Variants in TRAPPC12 observed in about 807,000 individuals in gnomAD.
The protein encoded by TRAPPC12 is trafficking protein particle complex subunit 12, also known as TPR repeat protein 15.
TRAPPC12 carries 61 observed loss-of-function variants against 69.2 expected under a neutral mutation model. That is an observed-to-expected ratio of 0.88 (90% CI 0.72 to 1.09). The LOEUF (loss-of-function observed/expected upper bound fraction) is 1.09, where lower values mean the gene tolerates loss of function less well. TRAPPC12 is among the 50% of genes least tolerant of loss of function. The pLI, the probability that TRAPPC12 is intolerant of heterozygous loss-of-function variation, is 0.00. For missense variants in TRAPPC12, 1,101 were observed against 1,016.4 expected (o/e 1.08, Z -1.13); for synonymous variants, 469 against 438.9 (o/e 1.07, Z -0.86).
intron 6 of TRAPPC12, chr2:3,455,317 C>G (rs542031761): frequency 6.6e-6 from 1 of 152,214 alleles, no homozygotes; most frequent in Admixed American, 6.5e-5. Flanking sequence ...ATAATCCCAT[C>G]AGGGTAAATG....
In TRAPPC12 at chr2:3,444,158, A is replaced by G. The variant is rs568539043; in HGVS notation, c.1530+267A>G. ...CTATGGGAAGCTGAAAGGCAGAGAC[A>G]TCTTTCTTGCCAAGGCTGCCAGCTG... On this transcript the variant is annotated intron_variant, in intron 6 of 11. Transcript: ENST00000324266. Among the ~76,000 whole-genome samples, 281 of 152,362 alleles carry G rather than the reference A, an allele frequency of 1.8e-3. 3 individuals are homozygous for G. The highest frequency in any genetic ancestry group is 6.4e-3 in the African/African-American group (266 of 41,586).
At chr2:3,478,634 AAAAAAT>A in intron 10 of TRAPPC12, 1 of 503,166 alleles carries the variant, frequency 2.0e-6, no homozygotes, top group Non-Finnish European at 3.5e-6. Context: ...AACTCCATCT[AAAAAAT>A]AAAAATAAAT....
chr2:3,426,385 A>T (rs1339192840), intron 5 of TRAPPC12, among the ~76,000 whole-genome samples: 3 of 152,210 alleles, frequency 2.0e-5, no homozygotes, highest in South Asian at 2.1e-4. Context: ...TCATCCAGGG[A>T]CGTAGACGCC....
rs968334798 is a variant in TRAPPC12, at chr2:3,459,527, T to A, written c.1604-736T>A. 2.6e-5 allele frequency among the ~76,000 whole-genome samples: 4 copies of A among 152,084 alleles called. No individual in the cohort carries two copies. The East Asian group carries it at 7.7e-4, about 29-fold the overall frequency. On this transcript the variant is annotated intron_variant, in intron 7 of 11. Transcript: ENST00000324266. ...CCCCAAGAAGGCCACAAAGCCAGTTTGGAAACTACTAGAAGAGATGGGCCC... is the reference window on the plus strand; with the variant it reads ...CCCCAAGAAGGCCACAAAGCCAGTTAGGAAACTACTAGAAGAGATGGGCCC...
Position 3,469,360 on chromosome 2 carries a change from G to A in TRAPPC12, c.1776+3665G>A, listed in dbSNP as rs144537031. On this transcript the variant is annotated intron_variant, in intron 9 of 11. Transcript: ENST00000324266. Reference sequence around the variant, plus strand: ...GAGGGGTAAATTTCATAAGAAATACGTATATTAGTAACTGTCCCTCAAATG... The same window carrying A: ...GAGGGGTAAATTTCATAAGAAATACATATATTAGTAACTGTCCCTCAAATG... Among the ~76,000 whole-genome samples the A allele has an allele frequency of 5.6e-3, 846 of 152,352 alleles. 5 individuals are homozygous for A. Among genetic ancestry groups the A allele is most frequent in the South Asian group, 0.013 (65 of 4,832 alleles).
At chr2:3,465,785 A>G in intron 9 of TRAPPC12, 90 bp downstream of exon 9, 2 of 902,922 alleles carry the variant, frequency 2.2e-6, no homozygotes, top group Non-Finnish European at 3.7e-6. Flanking sequence ...TCATTTTAAT[A>G]TAAGAAAGAC....
chr2:3,383,218 T>G (rs888483284), intron 1 of TRAPPC12, among the ~76,000 whole-genome samples: 2 of 152,162 alleles, frequency 1.3e-5, no homozygotes, highest in African/African-American at 4.8e-5. Flanking sequence ...TTTGTTTCAC[T>G]TTTTTTAGGT....
chr2:3,453,730 T>A (rs1025319721), intron 6 of TRAPPC12, among the ~76,000 whole-genome samples: 1 of 152,222 alleles, frequency 6.6e-6, no homozygotes, highest in Non-Finnish European at 1.5e-5. Flanking sequence ...AAGGAGGAAA[T>A]TCCAGCCGCA....
At chr2:3,446,055 C>T (rs1392213409) in intron 6 of TRAPPC12, among the ~76,000 whole-genome samples, 1 of 152,236 alleles carries the variant, frequency 6.6e-6, no homozygotes, top group African/African-American at 2.4e-5. Context: ...ATCCTAGGAA[C>T]GTTTCTCTCA....
chr2:3,441,754 T>C (rs937322219), intron 5 of TRAPPC12, among the ~76,000 whole-genome samples: 1 of 151,966 alleles, frequency 6.6e-6, no homozygotes, highest in African/African-American at 2.4e-5. Context: ...CTTATATTGC[T>C]CTTTCTTTCC....
At chr2:3,465,557 G>A in intron 8 of TRAPPC12, 40 bp from the exon 9 acceptor site, 1 of 1,422,866 alleles carries the variant, frequency 7.0e-7, no homozygotes. Context: ...CCACAGTGCT[G>A]TTCTCAGCTC....
chr2:3,466,534 G>C (rs1259529063), intron 9 of TRAPPC12: 1 of 396,634 alleles, frequency 2.5e-6, no homozygotes, highest in Non-Finnish European at 5.3e-6. Context: ...AATTTGAACA[G>C]GGCCTCTGTG....
chr2:3,389,124 A>G (rs1660676066), intron 2 of TRAPPC12: 1 of 156,218 alleles, frequency 6.4e-6, no homozygotes, highest in Non-Finnish European at 1.4e-5. Context: ...ATAAATGTTA[A>G]GCTAAATGGT....
chr2:3,391,934 G>A lies in TRAPPC12; in HGVS notation c.1047+3264G>A, dbSNP rs180726951. ...CAAACCCTCTGTTGCTTGCCTTGCC[G>A]TTTGCTTCTCCCTCTGACTGTAACT... is the stretch of plus-strand genomic sequence containing the variant. On this transcript the variant is annotated intron_variant, in intron 2 of 11. Transcript: ENST00000324266. 2.6e-4 allele frequency among the ~76,000 whole-genome samples: 39 copies of A among 152,146 alleles called. No homozygotes were observed. The South Asian group carries it at 3.1e-3, about 12-fold the overall frequency.
At chr2:3,392,201 CT>C (rs1217824880) in intron 2 of TRAPPC12, among the ~76,000 whole-genome samples, 2 of 152,182 alleles carry the variant, frequency 1.3e-5, no homozygotes, top group African/African-American at 4.8e-5. Flanking sequence ...GCTTAAAGGT[CT>C]CTGGTCCTGT....
rs1195057131 is a variant in TRAPPC12, at chr2:3,414,425, C to T, written c.1165-7456C>T. 6.6e-6 allele frequency among the ~76,000 whole-genome samples: 1 copy of T among 152,034 alleles called. No homozygotes were observed. The highest frequency in any genetic ancestry group is 6.5e-5 in the Admixed American group (1 of 15,268). On this transcript the variant is annotated intron_variant, in intron 3 of 11. Coordinates refer to ENST00000324266, the MANE Select transcript of TRAPPC12 (RefSeq NM_016030.6). This position sits in a 1 kb window ranked among gnomAD's most constrained non-coding sequence, Gnocchi z 4.9. The stretch of plus-strand genomic sequence containing the variant: ...TTAGTCCTTAGAATTCATTCTCTCC[C>T]TTCAAAGCCCCCCGGGTTCTTGTCC...
chr2:3,474,566 C>T (rs1016161600), intron 9 of TRAPPC12, among the ~76,000 whole-genome samples: 1 of 152,216 alleles, frequency 6.6e-6, no homozygotes, highest in African/African-American at 2.4e-5. Flanking sequence ...CCAGTTTCTG[C>T]CACGGAAACA....
At chr2:3,457,885 G>C in intron 7 of TRAPPC12, 192 bp downstream of exon 7, 1 of 1,433,110 alleles carries the variant, frequency 7.0e-7, no homozygotes, top group South Asian at 1.5e-5. Context: ...TGGGTGCAAC[G>C]TGCAGCCTCA....
At chr2:3,453,233 G>A (rs986104610) in intron 6 of TRAPPC12, among the ~76,000 whole-genome samples, 8 of 152,096 alleles carry the variant, frequency 5.3e-5, no homozygotes, top group Non-Finnish European at 1.2e-4. Flanking sequence ...AAAATACATC[G>A]TCCCCGGTAC....
Sources: gnomAD v4.1 joint callset for allele counts (sites outside exome capture counted in the v4.1 genomes callset) on GRCh38, gnomAD v4.1.1 for gene constraint, Gnocchi (gnomAD v3.1) non-coding constraint, MANE v1.5 for transcripts, NCBI Gene and HGNC (gene_info 2026-07-23, HGNC 2026-07-21) for gene names.